Variants in DMD observed in about 807,000 individuals in gnomAD.
DMD encodes the protein mutant dystrophin.
In DMD, 63 loss-of-function variants were observed where a neutral mutation model predicts 330.1. That is an observed-to-expected ratio of 0.19 (90% CI 0.16 to 0.24). The LOEUF (loss-of-function observed/expected upper bound fraction) is 0.24. Ranked by LOEUF, DMD falls within the 10% of genes least tolerant of loss-of-function variation. The pLI, the probability that DMD is intolerant of heterozygous loss-of-function variation, is 1.00. For synonymous variants in DMD, 1,223 were observed against 959.8 expected (o/e 1.27, Z -5.07); for missense variants, 3,344 against 2,684.1 (o/e 1.25, Z -5.43).
intron 42 of DMD, among the ~76,000 whole-genome samples, chrX:32,291,939 T>C (rs1233497094): frequency 8.9e-6 from 1 of 111,813 alleles, no homozygotes; most frequent in Non-Finnish European, 1.9e-5. Context: ...CCTTGGAGTT[T>C]AGTGCATTGC....
intron 55 of DMD, among the ~76,000 whole-genome samples, chrX:31,544,934 A>T (rs2074061188): frequency 9.0e-6 from 1 of 111,359 alleles, no homozygotes; most frequent in Non-Finnish European, 1.9e-5. Flanking sequence ...TTCCAAGGCA[A>T]TAGCATTTAA....
At chrX:32,100,706 C>T (rs1209546947) in intron 44 of DMD, among the ~76,000 whole-genome samples, 2 of 111,000 alleles carry the variant, frequency 1.8e-5, no homozygotes, top group Non-Finnish European at 3.8e-5. Flanking sequence ...CCCGTGCATC[C>T]GTCAAAGGCT....
intron 44 of DMD, among the ~76,000 whole-genome samples, chrX:32,140,086 T>A (rs1014574668): frequency 8.9e-6 from 1 of 112,004 alleles, no homozygotes; most frequent in African/African-American, 3.2e-5. Context: ...ACATCCTACT[T>A]CCATAAACCT....
At chrX:32,943,768 C>T in intron 2 of DMD, among the ~76,000 whole-genome samples, 1 of 112,119 alleles carries the variant, frequency 8.9e-6, no homozygotes, top group Non-Finnish European at 1.9e-5. Flanking sequence ...ATTCAGTCTT[C>T]TGTCAGAAGC....
At chrX:31,422,242 T>G (rs1460295579) in intron 60 of DMD, among the ~76,000 whole-genome samples, 1 of 108,964 alleles carries the variant, frequency 9.2e-6, no homozygotes, top group African/African-American at 3.4e-5. Context: ...ACTCCTGGCC[T>G]CAGGTGATCT....
intron 1 of DMD, among the ~76,000 whole-genome samples, chrX:33,218,725 T>C (rs2052105583): frequency 9.0e-6 from 1 of 111,342 alleles, no homozygotes; most frequent in Non-Finnish European, 1.9e-5. Context: ...TTTGAAACTC[T>C]GATGGCATAA....
intron 9 of DMD, among the ~76,000 whole-genome samples, chrX:32,689,103 T>G (rs2063089230): frequency 9.0e-6 from 1 of 111,242 alleles, no homozygotes; most frequent in African/African-American, 3.3e-5. Flanking sequence ...ACACACCTAG[T>G]GGAATAAATG....
intron 62 of DMD, chrX:31,266,919 G>C: frequency 1.7e-6 from 2 of 1,162,889 alleles, no homozygotes; most frequent in Non-Finnish European, 2.3e-6. Context: ...GAGCGCCGCC[G>C]CCGCCGCCGC....
At chrX:31,968,797 T>C (rs1354374175) in intron 44 of DMD, among the ~76,000 whole-genome samples, 1 of 111,870 alleles carries the variant, frequency 8.9e-6, no homozygotes, top group African/African-American at 3.2e-5. Context: ...TACAAATCAA[T>C]TAGTTGGAAA....
At chrX:32,917,165 C>A (rs757405521) in intron 2 of DMD, among the ~76,000 whole-genome samples, 2 of 99,772 alleles carry the variant, frequency 2.0e-5, no homozygotes, top group East Asian at 3.3e-4. Flanking sequence ...CACTTCCCCC[C>A]CCCCCACATC....
At chrX:32,831,389 A>T (rs1203355655) in intron 4 of DMD, among the ~76,000 whole-genome samples, 1 of 111,341 alleles carries the variant, frequency 9.0e-6, no homozygotes, top group Non-Finnish European at 1.9e-5. Flanking sequence ...AACCTGAAAT[A>T]TGATGGTTTT....
intron 62 of DMD, among the ~76,000 whole-genome samples, chrX:31,300,021 AT>A (rs936931574): frequency 1.8e-5 from 2 of 110,710 alleles, no homozygotes; most frequent in Admixed American, 9.6e-5. Flanking sequence ...TAAAATAAAG[AT>A]TTTTTTTTCA....
chrX:31,245,790 T>A (rs1179162018), intron 63 of DMD, among the ~76,000 whole-genome samples: 2 of 111,640 alleles, frequency 1.8e-5, no homozygotes, highest in Admixed American at 1.9e-4. Context: ...GTCATACGTG[T>A]TCTGACTGCT....
rs752767880 is a variant in DMD, at chrX:32,438,371, C to T, written c.3941G>A (p.Arg1314Gln). 22 of 1,209,706 alleles carry T rather than the reference C, an allele frequency of 1.8e-5. No homozygotes were observed. The East Asian group carries it at 2.4e-4, about 13-fold the overall frequency. ...EVLDSLENLM[R>Q]HSEDNPNQIR... is the part of the protein sequence containing the mutation. ...CTGATTTGGGTTATCCTCTGAATGT[C>T]GCATCAAATTTTCAAGTGACTGAAA... The change falls in exon 29 of 79, where the codon CGA (arginine) becomes CAA (glutamine). Residue 1314 changes from arginine (R) to glutamine (Q), a missense_variant. Physicochemically the swap from Arg to Gln is conservative, Grantham distance 43. Transcript: ENST00000357033.
rs3044988 is a variant in DMD, at chrX:32,388,341, C to CTTTTTTTTTTT, written c.4518+1149_4518+1159dup. 7.7e-3 allele frequency among the ~76,000 whole-genome samples: 600 copies of CTTTTTTTTTTT among 78,391 alleles called. 8 individuals carry two copies. Among genetic ancestry groups the CTTTTTTTTTTT allele is most frequent in the South Asian group, 0.029 (48 of 1,682 alleles). 68.1% of individuals were successfully genotyped at this position (78,391 alleles called of 115,157 possible). ...AGGCACTTGGGTCATTTATGCTTTC[C>CTTTTTTTTTTT]TTTTTTTTTTTTTTGGCAAAATTTA... On this transcript the variant is annotated intron_variant, in intron 32 of 78. Transcript: ENST00000357033.
chrX:32,777,594 T>G (rs1003773023), intron 7 of DMD, among the ~76,000 whole-genome samples: 5 of 111,319 alleles, frequency 4.5e-5, no homozygotes, highest in Admixed American at 2.9e-4. Flanking sequence ...GACTTCGCAG[T>G]TTTCCAAAAG....
intron 48 of DMD, among the ~76,000 whole-genome samples, chrX:31,867,207 G>GTT (rs202054815): frequency 1.3e-4 from 13 of 98,365 alleles, no homozygotes; most frequent in Admixed American, 6.7e-4. Flanking sequence ...TGCAAAATTT[G>GTT]TTTTTTTTTT....
chrX:31,174,723 A>G (rs1305059013), intron 71 of DMD, among the ~76,000 whole-genome samples: 2 of 111,786 alleles, frequency 1.8e-5, no homozygotes, highest in Non-Finnish European at 3.8e-5. Flanking sequence ...CTTACATTAA[A>G]AAAGAAAAAG....
intron 48 of DMD, among the ~76,000 whole-genome samples, chrX:31,865,949 T>G (rs893612683): frequency 9.0e-6 from 1 of 111,265 alleles, no homozygotes; most frequent in Non-Finnish European, 1.9e-5. Flanking sequence ...CTGTTTCTCC[T>G]CCTCTGAAGA....
Sources: gnomAD v4.1 joint callset for allele counts (sites outside exome capture counted in the v4.1 genomes callset) on GRCh38, gnomAD v4.1.1 for gene constraint, MANE v1.5 for transcripts, NCBI Gene and HGNC (gene_info 2026-07-23, HGNC 2026-07-21) for gene names.